Variants in MIGA1 observed in about 807,000 individuals in gnomAD.
MIGA1 encodes family with sequence similarity 73, member A.
Under a neutral mutation model 82.0 loss-of-function variants are expected in MIGA1, and 58 were observed. The observed-to-expected ratio is 0.71, with a 90% confidence interval of 0.57 to 0.88. The LOEUF (loss-of-function observed/expected upper bound fraction) is 0.88. MIGA1 is among the 40% of genes least tolerant of loss of function. The pLI, the probability that MIGA1 is intolerant of heterozygous loss-of-function variation, is 0.00. For synonymous variants in MIGA1, 249 were observed against 253.6 expected, an observed-to-expected ratio of 0.98 and a Z score of 0.17; for missense variants, 751 against 749.1, an observed-to-expected ratio of 1.00 and a Z score of -0.03.
chr1:77,864,405 G>T, intron 13 of MIGA1, among the ~76,000 whole-genome samples: 1 of 151,554 alleles, frequency 6.6e-6, no homozygotes, highest in East Asian at 1.9e-4. Context: ...GCCAGGCGCG[G>T]TTGCTCACAC....
intron 4 of MIGA1, among the ~76,000 whole-genome samples, chr1:77,805,480 G>C (rs1011335097): frequency 2.8e-5 from 1 of 35,110 alleles, no homozygotes; most frequent in East Asian, 8.4e-4. Context: ...TTTTTTTTTT[G>C]TCTTTTTGGC....
chr1:77,816,370 TAA>T (rs1317088343), intron 7 of MIGA1, among the ~76,000 whole-genome samples: 1 of 152,198 alleles, frequency 6.6e-6, no homozygotes, highest in East Asian at 1.9e-4. Context: ...AAAAATAATT[TAA>T]GTCTTTTTTA....
At chr1:77,838,262 AATCCCTTCC>A (rs1684502602) in intron 7 of MIGA1, among the ~76,000 whole-genome samples, 2 of 152,188 alleles carry the variant, frequency 1.3e-5, no homozygotes, top group African/African-American at 4.8e-5. Context: ...CTCTTCTTGT[AATCCCTTCC>A]AGTCACCTGC....
chr1:77,839,196 A>G (rs74092305), intron 7 of MIGA1, among the ~76,000 whole-genome samples: 2,716 of 152,128 alleles, frequency 0.018, 92 homozygotes, highest in African/African-American at 0.062. Flanking sequence ...GAGAGTTTCC[A>G]CTGACCGTAC....
chr1:77,813,629 T>C, intron 5 of MIGA1, 105 bp from the exon 6 acceptor site: 1 of 1,201,268 alleles, frequency 8.3e-7, no homozygotes, highest in Non-Finnish European at 1.2e-6. Context: ...GTGTCAAAAT[T>C]AGACTGTGAC....
intron 14 of MIGA1, among the ~76,000 whole-genome samples, chr1:77,868,880 G>A (rs1685777955): frequency 6.6e-6 from 1 of 150,896 alleles, no homozygotes; most frequent in South Asian, 2.1e-4. Context: ...TACTTTTGAA[G>A]GAATGTTATA....
At chr1:77,790,427 C>T (rs987383052) in intron 2 of MIGA1, among the ~76,000 whole-genome samples, 12 of 152,074 alleles carry the variant, frequency 7.9e-5, no homozygotes, top group Non-Finnish European at 1.0e-4. Context: ...CCACCACACC[C>T]GGCTAATTTT....
At chr1:77,796,392 A>G (rs1012061220) in intron 2 of MIGA1, among the ~76,000 whole-genome samples, 8 of 151,354 alleles carry the variant, frequency 5.3e-5, no homozygotes, top group Non-Finnish European at 1.0e-4. Context: ...TACTGGGATT[A>G]CAGGCGTGAG....
intron 8 of MIGA1, among the ~76,000 whole-genome samples, chr1:77,844,559 T>C (rs1684766614): frequency 6.6e-6 from 1 of 152,180 alleles, no homozygotes; most frequent in Non-Finnish European, 1.5e-5. Flanking sequence ...ATCTTTTTGT[T>C]TTAATTTTTG....
chr1:77,869,273 C>G (rs1249642208), intron 14 of MIGA1, among the ~76,000 whole-genome samples: 1 of 138,674 alleles, frequency 7.2e-6, no homozygotes, highest in Non-Finnish European at 1.6e-5. Flanking sequence ...GGTCACAGAT[C>G]AACAGGATCC....
intron 8 of MIGA1, among the ~76,000 whole-genome samples, chr1:77,856,931 A>T (rs779553749): frequency 8.0e-5 from 12 of 150,144 alleles, no homozygotes; most frequent in Non-Finnish European, 1.5e-4. Context: ...GGTTTGGTTT[A>T]TTCTTGTTTG....
intron 4 of MIGA1, among the ~76,000 whole-genome samples, chr1:77,804,082 AAG>A (rs1682994965): frequency 2.0e-5 from 3 of 152,308 alleles, no homozygotes; most frequent in South Asian, 2.1e-4. Context: ...TAAAATTAAA[AAG>A]AGTTATTAAT....
chr1:77,782,786 G>A (rs1681980875), intron 1 of MIGA1: 2 of 751,130 alleles, frequency 2.7e-6, no homozygotes, highest in South Asian at 6.1e-5. Context: ...GAACTCTGAG[G>A]TTCTAGCCCC....
At position 77,873,382 on chromosome 1, in the gene MIGA1, A is replaced by G. The variant is rs189917984; in HGVS notation, c.1680+262A>G. ...CTCAGCATATCCATTCACCTTATCA[A>G]TTCCCTAATGCAAGGGATACATGGT... On this transcript the variant is annotated intron_variant, in intron 15 of 15. Coordinates refer to ENST00000370791, the MANE Select transcript of MIGA1 (RefSeq NM_198549.4). 6.4e-3 allele frequency among the ~76,000 whole-genome samples: 969 copies of G among 152,324 alleles called. 8 individuals are homozygous for G. The highest frequency in any genetic ancestry group is 0.022 in the African/African-American group (910 of 41,566).
chr1:77,814,471 A>C (rs969244598), intron 6 of MIGA1, among the ~76,000 whole-genome samples: 2 of 151,788 alleles, frequency 1.3e-5, no homozygotes, highest in Non-Finnish European at 2.9e-5. Context: ...ATCATAGTAC[A>C]CTATACCCCA....
intron 4 of MIGA1, among the ~76,000 whole-genome samples, chr1:77,805,461 C>CTTTTTTTTTTT (rs11408292): frequency 2.3e-4 from 25 of 110,326 alleles, no homozygotes; most frequent in East Asian, 8.1e-4. Flanking sequence ...TATGCCTATT[C>CTTTTTTTTTTT]TTTTTTTTTT....
chr1:77,843,089 TC>T (rs1684687010), intron 7 of MIGA1, among the ~76,000 whole-genome samples: 1 of 152,260 alleles, frequency 6.6e-6, no homozygotes, highest in Non-Finnish European at 1.5e-5. Context: ...TAAGCTTAAT[TC>T]CTTTTTAAAT....
intron 7 of MIGA1, among the ~76,000 whole-genome samples, chr1:77,816,043 A>G (rs1260109446): frequency 6.6e-6 from 1 of 152,152 alleles, no homozygotes; most frequent in African/African-American, 2.4e-5. Flanking sequence ...TCCCAAGTTC[A>G]TGCAATTCTC....
At chr1:77,859,938 G>A in intron 10 of MIGA1, 102 bp from the exon 11 acceptor site, 2 of 704,706 alleles carry the variant, frequency 2.8e-6, no homozygotes, top group Non-Finnish European at 4.8e-6. Flanking sequence ...AGCACCACAT[G>A]CAATGCATTA....
Sources: allele counts gnomAD v4.1 joint callset (sites outside exome capture counted in the v4.1 genomes callset), GRCh38; gene constraint gnomAD v4.1.1; transcripts MANE v1.5; gene names NCBI Gene and HGNC (gene_info 2026-07-23, HGNC 2026-07-21).